The following NAALADL2 variants were observed in gnomAD, a reference collection of about 807,000 sequenced individuals.
The protein encoded by NAALADL2 is inactive N-acetylated-alpha-linked acidic dipeptidase-like protein 2.
In NAALADL2, 76 loss-of-function variants were observed where a neutral mutation model predicts 87.2. That is an observed-to-expected ratio of 0.87 (90% confidence interval 0.72 to 1.05). NAALADL2 has a LOEUF of 1.05. Ranked by LOEUF, NAALADL2 falls within the 50% of genes least tolerant of loss-of-function variation. The pLI, the probability that NAALADL2 is intolerant of heterozygous loss-of-function variation, is 0.00. For missense variants in NAALADL2, 1,089 were observed against 945.8 expected, an observed-to-expected ratio of 1.15 and a Z score of -1.99; for synonymous variants, 354 against 331.0, an observed-to-expected ratio of 1.07 and a Z score of -0.75.
intron 2 of NAALADL2, among the ~76,000 whole-genome samples, chr3:174,733,335 A>G (rs1294412197): frequency 6.6e-6 from 1 of 152,236 alleles, no homozygotes; most frequent in Non-Finnish European, 1.5e-5. Flanking sequence ...TTCATTTAGT[A>G]AAGAGAATCC....
chr3:174,960,795 G>T (rs1206173763), intron 1 of NAALADL2, among the ~76,000 whole-genome samples: 1 of 151,724 alleles, frequency 6.6e-6, no homozygotes, highest in Non-Finnish European at 1.5e-5. Context: ...TAGATAGAAG[G>T]ACTTGCCTTT....
At chr3:175,365,412 C>T (rs1765443792) in intron 5 of NAALADL2, among the ~76,000 whole-genome samples, 1 of 147,378 alleles carries the variant, frequency 6.8e-6, no homozygotes, top group Admixed American at 7.0e-5. Flanking sequence ...GAAAACTGAT[C>T]CGAATTCACA....
chr3:174,659,879 G>A (rs537590942), intron 2 of NAALADL2, among the ~76,000 whole-genome samples: 5 of 151,378 alleles, frequency 3.3e-5, no homozygotes, highest in South Asian at 2.2e-4. Flanking sequence ...GTTAGACCCC[G>A]GTGCATCATC....
intron 1 of NAALADL2, among the ~76,000 whole-genome samples, chr3:174,495,688 CCAGCTGTATGTCT>C (rs1158255538): frequency 3.3e-5 from 5 of 152,000 alleles, no homozygotes; most frequent in Admixed American, 6.6e-5. Flanking sequence ...GATACTGAAT[CCAGCTGTATGTCT>C]TTTTCTGTTG....
At chr3:175,577,430 T>C (rs534884511) in intron 10 of NAALADL2, among the ~76,000 whole-genome samples, 3 of 152,302 alleles carry the variant, frequency 2.0e-5, no homozygotes, top group Admixed American at 2.0e-4. Context: ...GAGTAGTTTG[T>C]TAATTGTTGA....
intron 1 of NAALADL2, among the ~76,000 whole-genome samples, chr3:174,474,669 C>T (rs1717107169): frequency 6.6e-6 from 1 of 152,120 alleles, no homozygotes; most frequent in South Asian, 2.1e-4. Context: ...CTTCCACCTT[C>T]TTGTGTTTAA....
intron 1 of NAALADL2, among the ~76,000 whole-genome samples, chr3:174,905,560 TTAAAAA>T (rs1272531839): frequency 1.3e-5 from 2 of 152,018 alleles, no homozygotes; most frequent in African/African-American, 2.4e-5. Flanking sequence ...AAGTAAAACT[TTAAAAA>T]TAAAAACATG....
At position 175,258,449 on chromosome 3, in the gene NAALADL2, C is replaced by T. The variant is rs150599118; in HGVS notation, c.939+1919C>T. Among the ~76,000 whole-genome samples the T allele has an allele frequency of 9.5e-3, 1,441 of 151,662 alleles. 9 individuals are homozygous for T. Among genetic ancestry groups the T allele is most frequent in the Non-Finnish European group, 0.015 (1,003 of 67,968 alleles). On this transcript the variant is annotated intron_variant, in intron 4 of 13. Coordinates refer to ENST00000454872, the MANE Select transcript of NAALADL2 (RefSeq NM_207015.3). ...GGGTGGAGTGGTGGGAGCTAGAATA[C>T]ATCAATAGATAGAGAGATAATTAAG...
chr3:174,803,723 G>A (rs1719116528), intron 3 of NAALADL2, among the ~76,000 whole-genome samples: 1 of 152,152 alleles, frequency 6.6e-6, no homozygotes, highest in Admixed American at 6.5e-5. Context: ...TTATTAAATA[G>A]GGAATCCTTT....
At chr3:175,142,165 C>T (rs944472880) in intron 2 of NAALADL2, among the ~76,000 whole-genome samples, 16 of 152,076 alleles carry the variant, frequency 1.1e-4, no homozygotes, top group Non-Finnish European at 1.8e-4. Flanking sequence ...TAGTTTAGTA[C>T]GATTCTTGTC....
intron 3 of NAALADL2, among the ~76,000 whole-genome samples, chr3:174,803,229 GTGA>G (rs1719050823): frequency 6.6e-6 from 1 of 152,128 alleles, no homozygotes. Context: ...CTAATGACTA[GTGA>G]TGATGAACAT....
chr3:174,888,226 A>G (rs1455831227), intron 1 of NAALADL2, among the ~76,000 whole-genome samples: 1 of 152,224 alleles, frequency 6.6e-6, no homozygotes, highest in Admixed American at 6.5e-5. Context: ...GAGCTGTGCA[A>G]TGATGTCGTG....
At chr3:174,887,158 C>T (rs1308998330) in intron 1 of NAALADL2, among the ~76,000 whole-genome samples, 2 of 152,078 alleles carry the variant, frequency 1.3e-5, no homozygotes, top group African/African-American at 4.8e-5. Flanking sequence ...TCCTAGATGG[C>T]CACTCATTGA....
rs113293158 is a variant in NAALADL2, at chr3:174,972,801, G to A, written c.43+113351G>A. On this transcript the variant is annotated intron_variant, in intron 1 of 13. Coordinates refer to ENST00000454872, the MANE Select transcript of NAALADL2 (RefSeq NM_207015.3). ...ACCTGAGGTCAGGAGTTCGAGACCA[G>A]ACTCAACATGGAGAAACCCTGTCTC... is the stretch of plus-strand genomic sequence containing the variant. Among the ~76,000 whole-genome samples the A allele has an allele frequency of 7.7e-3, 1,176 of 151,998 alleles. 19 individuals carry two copies. Among genetic ancestry groups the A allele is most frequent in the African/African-American group, 0.027 (1,118 of 41,452 alleles).
intron 1 of NAALADL2, among the ~76,000 whole-genome samples, chr3:174,978,183 A>G (rs2108638114): frequency 6.6e-6 from 1 of 152,344 alleles, no homozygotes; most frequent in South Asian, 2.1e-4. Context: ...TCTTAGCACT[A>G]TGCCAACCTA....
At chr3:175,429,677 T>C (rs1560536704) in intron 5 of NAALADL2, among the ~76,000 whole-genome samples, 1 of 152,020 alleles carries the variant, frequency 6.6e-6, no homozygotes, top group Non-Finnish European at 1.5e-5. Flanking sequence ...ACAAAATTCA[T>C]GGAGGTTTTT....
intron 1 of NAALADL2, among the ~76,000 whole-genome samples, chr3:175,054,719 C>T (rs1262243072): frequency 6.6e-6 from 1 of 152,166 alleles, no homozygotes; most frequent in Admixed American, 6.5e-5. Flanking sequence ...TTGGTGGGAA[C>T]TTTGTCTTTC....
intron 2 of NAALADL2, among the ~76,000 whole-genome samples, chr3:175,190,316 G>A (rs1453240076): frequency 6.6e-6 from 1 of 151,708 alleles, no homozygotes; most frequent in South Asian, 2.1e-4. Context: ...CTCTGTTAAG[G>A]GGTTAATATC....
intron 1 of NAALADL2, among the ~76,000 whole-genome samples, chr3:174,878,602 T>G (rs1728806906): frequency 6.6e-6 from 1 of 152,120 alleles, no homozygotes; most frequent in South Asian, 2.1e-4. Flanking sequence ...TTTATGGAGA[T>G]GAAATGATTC....
Sources: gnomAD v4.1 joint callset for allele counts (sites outside exome capture counted in the v4.1 genomes callset) on GRCh38, gnomAD v4.1.1 for gene constraint, MANE v1.5 for transcripts, NCBI Gene and HGNC (gene_info 2026-07-23, HGNC 2026-07-21) for gene names.